DACH1: variants seen among roughly 807,000 people sequenced by gnomAD.
The protein encoded by DACH1 is dachshund family transcription factor 1, also known as dachshund homolog 1.
DACH1 carries 12 observed loss-of-function variants against 54.2 expected under a neutral mutation model. The observed-to-expected ratio is 0.22, with a 90% confidence interval of 0.14 to 0.36. The LOEUF is 0.36. Among genes scored for constraint, DACH1 ranks in the 10% least tolerant of loss-of-function variants. DACH1 has a pLI of 1.00. For missense variants in DACH1, 805 were observed against 929.8 expected (o/e 0.87, Z 1.75); for synonymous variants, 386 against 366.2 (o/e 1.05, Z -0.62).
chr13:71,484,495 T>G (rs558366999), intron 7 of DACH1, among the ~76,000 whole-genome samples: 7 of 152,262 alleles, frequency 4.6e-5, no homozygotes, highest in Non-Finnish European at 7.4e-5. Flanking sequence ...TTTTAACATA[T>G]GTTTTAGGTC....
chr13:71,573,064 A>T (rs1566351078), intron 3 of DACH1, 52 bp from the exon 4 acceptor site: 5 of 1,533,084 alleles, frequency 3.3e-6, no homozygotes, highest in Non-Finnish European at 4.4e-6. Flanking sequence ...TAAATCATTA[A>T]AAATTGAAAC....
At chr13:71,562,036 A>G (rs1264093973) in intron 4 of DACH1, among the ~76,000 whole-genome samples, 1 of 152,108 alleles carries the variant, frequency 6.6e-6, no homozygotes, top group Non-Finnish European at 1.5e-5. Context: ...GGTCAATTAA[A>G]TTTTAATCTC....
intron 10 of DACH1, among the ~76,000 whole-genome samples, chr13:71,452,411 A>G (rs1875143904): frequency 6.6e-6 from 1 of 152,172 alleles, no homozygotes; most frequent in South Asian, 2.1e-4. Flanking sequence ...TAAAGACATG[A>G]GCCATTGCAC....
chr13:71,473,822 T>G (rs932448169), intron 10 of DACH1, among the ~76,000 whole-genome samples: 1 of 152,208 alleles, frequency 6.6e-6, no homozygotes, highest in African/African-American at 2.4e-5. Flanking sequence ...AGCCCCTGCA[T>G]GTACACATTG....
intron 6 of DACH1, among the ~76,000 whole-genome samples, chr13:71,549,107 A>G (rs1883644070): frequency 6.6e-6 from 1 of 151,352 alleles, no homozygotes; most frequent in African/African-American, 2.4e-5. Flanking sequence ...AAATTGCAGG[A>G]AAAAAAAACT....
intron 1 of DACH1, among the ~76,000 whole-genome samples, chr13:71,848,626 C>A (rs1265869150): frequency 6.6e-6 from 1 of 151,874 alleles, no homozygotes; most frequent in Non-Finnish European, 1.5e-5. Flanking sequence ...CACTGCAGAG[C>A]CTCGACCTCC....
chr13:71,480,773 A>T (rs1219776635), intron 7 of DACH1, among the ~76,000 whole-genome samples: 1 of 152,196 alleles, frequency 6.6e-6, no homozygotes, highest in African/African-American at 2.4e-5. Context: ...CAATAGACAG[A>T]TAGTTTTACT....
At chr13:71,699,377 T>C (rs1255180332) in intron 1 of DACH1, among the ~76,000 whole-genome samples, 1 of 152,194 alleles carries the variant, frequency 6.6e-6, no homozygotes, top group African/African-American at 2.4e-5. Context: ...TTTGGTAACA[T>C]TTAGCCTGAC....
chr13:71,520,256 T>C (rs1245109263), intron 6 of DACH1, among the ~76,000 whole-genome samples: 1 of 151,606 alleles, frequency 6.6e-6, no homozygotes, highest in Admixed American at 6.6e-5. Flanking sequence ...CAGAAGATTA[T>C]GGTAAGAATT....
At chr13:71,637,435 C>T (rs1423919823) in intron 2 of DACH1, among the ~76,000 whole-genome samples, 1 of 152,082 alleles carries the variant, frequency 6.6e-6, no homozygotes, top group African/African-American at 2.4e-5. Context: ...TACCTAACAG[C>T]ATAGGGTGAG....
At chr13:71,758,895 C>CCCCCT (rs1279916494) in intron 1 of DACH1, among the ~76,000 whole-genome samples, 1 of 151,662 alleles carries the variant, frequency 6.6e-6, no homozygotes, top group Non-Finnish European at 1.5e-5. Flanking sequence ...CCAGTAAACT[C>CCCCCT]CCCCTCCCTC....
rs796761753 is a variant in DACH1 at position 71,830,621 on chromosome 13, T to C, written c.848+35301A>G. ...ACCCACTATGTTTAACCGACCAGTC[T>C]AATATCCTTCGAGAGCCAGAATTCC... On this transcript the variant is annotated intron_variant, in intron 1 of 10. Coordinates refer to ENST00000613252, the MANE Select transcript of DACH1 (RefSeq NM_080759.6). 3.3e-5 allele frequency among the ~76,000 whole-genome samples: 5 copies of C among 151,838 alleles called. 1 individual carries two copies. The South Asian group carries it at 1.0e-3, about 31-fold the overall frequency.
chr13:71,514,922 CT>C (rs1019418356), intron 6 of DACH1, among the ~76,000 whole-genome samples: 1 of 151,840 alleles, frequency 6.6e-6, no homozygotes, highest in Non-Finnish European at 1.5e-5. Context: ...ATGCTTAGTC[CT>C]TTCCTTAATA....
At chr13:71,603,208 T>C (rs1054194380) in intron 3 of DACH1, among the ~76,000 whole-genome samples, 1 of 151,978 alleles carries the variant, frequency 6.6e-6, no homozygotes, top group Non-Finnish European at 1.5e-5. Flanking sequence ...AAATCAATAT[T>C]ACTTTTCATG....
intron 1 of DACH1, among the ~76,000 whole-genome samples, chr13:71,744,725 T>G (rs1459579863): frequency 6.6e-6 from 1 of 152,214 alleles, no homozygotes; most frequent in Non-Finnish European, 1.5e-5. Flanking sequence ...ATGAAAACTA[T>G]AAATCAAATT....
In DACH1 at chr13:71,780,178, C is replaced by A. The variant is rs556535386; in HGVS notation, c.848+85744G>T. 6.6e-5 allele frequency among the ~76,000 whole-genome samples: 10 copies of A among 152,020 alleles called. No homozygotes were observed. The East Asian group carries it at 1.5e-3, about 24-fold the overall frequency. ...GGAATTACATCAGCAAGGGAAAGAA[C>A]GGGAGAGGCTTCCAGATAAAAAAGC... On this transcript the variant is annotated intron_variant, in intron 1 of 10. Transcript: ENST00000613252.
chr13:71,806,425 G>A (rs1051871324), intron 1 of DACH1, among the ~76,000 whole-genome samples: 1 of 152,136 alleles, frequency 6.6e-6, no homozygotes, highest in African/African-American at 2.4e-5. Flanking sequence ...AACTTAGAAT[G>A]TGAGAGAACA....
At chr13:71,690,788 T>A (rs1436655215) in intron 1 of DACH1, among the ~76,000 whole-genome samples, 1 of 151,940 alleles carries the variant, frequency 6.6e-6, no homozygotes, top group Non-Finnish European at 1.5e-5. Context: ...AAAAATTAGC[T>A]GGGCATGGTG....
At chr13:71,704,331 T>A (rs1362182279) in intron 1 of DACH1, 2 of 404,854 alleles carry the variant, frequency 4.9e-6, no homozygotes, top group Non-Finnish European at 9.4e-6. Flanking sequence ...CAAAAAGGAA[T>A]GCTCCACAGG....
Sources: allele counts gnomAD v4.1 joint callset (sites outside exome capture counted in the v4.1 genomes callset), GRCh38; gene constraint gnomAD v4.1.1; transcripts MANE v1.5; gene names NCBI Gene and HGNC (gene_info 2026-07-23, HGNC 2026-07-21).